ATP13A3: variants seen among roughly 807,000 people sequenced by gnomAD.
The protein encoded by ATP13A3 is ATPase 13A3.
A neutral mutation model predicts 158.1 loss-of-function variants in ATP13A3; 59 were observed. The observed-to-expected ratio is 0.37, with a 90% CI of 0.30 to 0.46. ATP13A3 has a LOEUF of 0.46. ATP13A3 is among the 20% of genes least tolerant of loss of function. The pLI is 1.00. For synonymous variants in ATP13A3, 491 were observed against 504.3 expected (o/e 0.97, Z 0.35); for missense variants, 1,166 against 1,525.2 (o/e 0.76, Z 3.92).
chr3:194,410,972 A>G (rs913936042), intron 33 of ATP13A3, among the ~76,000 whole-genome samples: 14 of 134,408 alleles, frequency 1.0e-4, no homozygotes, highest in African/African-American at 3.2e-4. Flanking sequence ...GTGTGTGTGT[A>G]TACACAGATG....
At chr3:194,456,376 C>T (rs1036667092) in intron 7 of ATP13A3, among the ~76,000 whole-genome samples, 1 of 151,692 alleles carries the variant, frequency 6.6e-6, no homozygotes, top group Non-Finnish European at 1.5e-5. Context: ...AAACATTGTA[C>T]ATTCGACTTT....
intron 22 of ATP13A3, 112 bp downstream of exon 22, chr3:194,431,605 C>A (rs1167907832): frequency 1.8e-5 from 20 of 1,105,654 alleles, no homozygotes; most frequent in Non-Finnish European, 3.7e-6. Flanking sequence ...GCCCTGACTT[C>A]TGTTTTCATT....
chr3:194,478,621 G>A (rs1720624812), intron 2 of ATP13A3, among the ~76,000 whole-genome samples: 1 of 152,122 alleles, frequency 6.6e-6, no homozygotes, highest in African/African-American at 2.4e-5. Context: ...TAGAAGGATA[G>A]GACAGGATCA....
intron 20 of ATP13A3, among the ~76,000 whole-genome samples, chr3:194,435,963 G>T (rs1262642983): frequency 6.6e-6 from 1 of 152,146 alleles, no homozygotes; most frequent in South Asian, 2.1e-4. Context: ...GGGGGAAAAT[G>T]GCAAAGGCAT....
chr3:194,451,758 A>G (rs1383002903), intron 10 of ATP13A3: 2 of 152,420 alleles, frequency 1.3e-5, no homozygotes, highest in Admixed American at 6.5e-5. Context: ...GACAAGTTAC[A>G]CGTCCAAAAT....
intron 31 of ATP13A3, 137 bp from the exon 32 acceptor site, chr3:194,413,976 C>T (rs1471918301): frequency 1.4e-5 from 10 of 713,994 alleles, no homozygotes; most frequent in South Asian, 3.3e-5. Flanking sequence ...TAATCCTCAA[C>T]AATGCCCCGC....
chr3:194,405,767 A>T lies in ATP13A3; in HGVS notation c.*152T>A. The stretch of plus-strand genomic sequence containing the variant: ...TAGGACGATATATTTTTCTGTTTTT[A>T]TTTTAAGGAAGAGCAAAGCTGTCAA... On this transcript the variant is annotated 3_prime_UTR_variant, in exon 34 of 34. Transcript: ENST00000645319. 1.3e-6 allele frequency: 1 copy of T among 759,620 alleles called. No individual in the cohort carries two copies. Among genetic ancestry groups the T allele is most frequent in the Non-Finnish European group, 2.1e-6 (1 of 478,054 alleles). The allele number at this position is 759,620 out of a possible 1,614,324, so 47.1% of individuals were successfully genotyped here. A position where few individuals can be genotyped will look rare whatever the true frequency, so the allele number is the denominator to read the frequency against.
At chr3:194,459,051 T>TA (rs1719452148) in intron 6 of ATP13A3, 1 of 159,686 alleles carries the variant, frequency 6.3e-6, no homozygotes, top group Non-Finnish European at 1.4e-5. Context: ...CCCCATTCTT[T>TA]ATCTACATAG....
At chr3:194,470,894 A>G (rs181323495) in intron 2 of ATP13A3, among the ~76,000 whole-genome samples, 166 of 152,352 alleles carry the variant, frequency 1.1e-3, no homozygotes, top group African/African-American at 3.0e-3. Flanking sequence ...CAGAACTGGC[A>G]GAAGTAAAAT....
chr3:194,454,137 A>G (rs1719025653), intron 9 of ATP13A3, 121 bp downstream of exon 9: 3 of 1,032,006 alleles, frequency 2.9e-6, no homozygotes, highest in Non-Finnish European at 4.2e-6. Context: ...GCATATATTC[A>G]TGCAACTAAA....
intron 21 of ATP13A3, 28 bp downstream of exon 21, chr3:194,433,744 G>A: frequency 6.2e-7 from 1 of 1,612,114 alleles, no homozygotes; most frequent in Non-Finnish European, 8.5e-7. Flanking sequence ...CACTCCATTT[G>A]CTTCTGTGTT....
intron 31 of ATP13A3, among the ~76,000 whole-genome samples, chr3:194,418,982 T>C (rs966127816): frequency 1.3e-5 from 2 of 152,184 alleles, no homozygotes; most frequent in Non-Finnish European, 2.9e-5. Context: ...TACTCCACTC[T>C]TTCATACACT....
At chr3:194,482,812 A>C (rs761278766) in intron 2 of ATP13A3, among the ~76,000 whole-genome samples, 19 of 152,210 alleles carry the variant, frequency 1.2e-4, no homozygotes, top group Non-Finnish European at 2.4e-4. Flanking sequence ...TCATCTCTAC[A>C]AAAAAATTTT....
At chr3:194,469,836 T>C (rs1720216645) in intron 2 of ATP13A3, among the ~76,000 whole-genome samples, 2 of 152,232 alleles carry the variant, frequency 1.3e-5, no homozygotes, top group South Asian at 4.1e-4. Flanking sequence ...AAGATAACCT[T>C]GTCCAGTTCA....
rs750183341 is a variant in ATP13A3 at position 194,454,409 on chromosome 3, TA to T, written c.631-18del. On this transcript the variant is annotated intron_variant, in intron 8 of 33. Transcript: ENST00000645319. ...GTTGAGAACCTAAAAAACAAGATTT[TA>T]AAGTCAAACTGAATGAGGTATTAAT... The T allele has an allele frequency of 7.5e-6, 12 of 1,601,600 alleles. No homozygotes were observed. The Admixed American group carries it at 1.4e-4, about 18-fold the overall frequency.
At position 194,433,232 on chromosome 3, in the gene ATP13A3, C is replaced by CTTTTTTTT. The variant is rs71637136; in HGVS notation, c.2245+532_2245+539dup. ...ATTTTTACAGTGTACTTTTACTATT[C>CTTTTTTTT]TTTTTTTTTTTTTTTTTTTTTTGAG... is the stretch of plus-strand genomic sequence containing the variant. On this transcript the variant is annotated intron_variant, in intron 21 of 33. Transcript: ENST00000645319. 3.5e-4 allele frequency among the ~76,000 whole-genome samples: 40 copies of CTTTTTTTT among 113,656 alleles called. 1 individual carries two copies. Among genetic ancestry groups the CTTTTTTTT allele is most frequent in the African/African-American group, 5.6e-4 (16 of 28,532 alleles). 74.6% of individuals were successfully genotyped at this position (113,656 alleles called of 152,430 possible). A position where few individuals can be genotyped will look rare whatever the true frequency, so the allele number is the denominator to read the frequency against.
rs1720999278 is a variant in ATP13A3 at position 194,486,752 on chromosome 3, C to CAG, written c.-276_-275insCT. 1 of 150,572 alleles carries CAG rather than the reference C, an allele frequency of 6.6e-6. No individual in the cohort carries two copies. The highest frequency in any genetic ancestry group is 1.5e-5 in the Non-Finnish European group (1 of 67,530). The allele number at this position is 150,572 out of a possible 1,614,324, so 9.3% of individuals were successfully genotyped here. On this transcript the variant is annotated 5_prime_UTR_variant, in exon 1 of 34. Transcript: ENST00000645319. ...AGGGTGAGGGAAGGAGGCGCCGCGGCGGGGCCGGGCCGGCCCTGGGACGTC... is the reference window on the plus strand; with the variant it reads ...AGGGTGAGGGAAGGAGGCGCCGCGGCAGGGGGCCGGGCCGGCCCTGGGACGTC...
rs116320298 is a variant in ATP13A3 at position 194,463,886 on chromosome 3, G to A, written c.-46-1650C>T. Among the ~76,000 whole-genome samples, 1,029 of 152,330 alleles carry A rather than the reference G, an allele frequency of 6.8e-3. 2 individuals are homozygous for A. Among genetic ancestry groups the A allele is most frequent in the Middle Eastern group, 0.031 (9 of 294 alleles). ...AATAAGAGGGGTCTATCTGCCCAGC[G>A]TGGTGGCTCACGCCTGTAATCCCAG... On this transcript the variant is annotated intron_variant, in intron 2 of 33. Transcript: ENST00000645319.
At chr3:194,490,439 C>G (rs141330541), upstream of ATP13A3, among the ~76,000 whole-genome samples, 18 of 152,322 alleles carry the variant, frequency 1.2e-4, no homozygotes, top group East Asian at 2.9e-3. This position sits in a 1 kb window ranked among gnomAD's most constrained non-coding sequence, Gnocchi z 4.4. Flanking sequence ...AGACACTTTG[C>G]TGTTAGTTTT....
Sources: allele counts gnomAD v4.1 joint callset (sites outside exome capture counted in the v4.1 genomes callset), GRCh38; gene constraint gnomAD v4.1.1; non-coding constraint Gnocchi (gnomAD v3.1); transcripts MANE v1.5; gene names NCBI Gene and HGNC (gene_info 2026-07-23, HGNC 2026-07-21).